ZCCHC17: variants seen among roughly 807,000 people sequenced by gnomAD.
ZCCHC17 encodes the protein zinc finger CCHC domain-containing protein 17.
A neutral mutation model predicts 30.6 loss-of-function variants in ZCCHC17; 18 were observed. That is an observed-to-expected ratio of 0.59 (90% confidence interval 0.41 to 0.87). The LOEUF (loss-of-function observed/expected upper bound fraction) is 0.87. Ranked by LOEUF, ZCCHC17 falls within the 40% of genes least tolerant of loss-of-function variation. ZCCHC17 has a pLI of 0.00. For synonymous variants in ZCCHC17, 88 were observed against 92.4 expected (o/e 0.95, Z 0.27); for missense variants, 263 against 284.2 (o/e 0.93, Z 0.54).
chr1:31,353,855 G>C (rs561072590), intron 7 of ZCCHC17, among the ~76,000 whole-genome samples: 16 of 152,294 alleles, frequency 1.1e-4, no homozygotes, highest in African/African-American at 3.6e-4. Context: ...ACACTGTTTT[G>C]ACTACTGTAG....
At chr1:31,319,605 T>C (rs1646814628) in intron 3 of ZCCHC17, among the ~76,000 whole-genome samples, 1 of 152,168 alleles carries the variant, frequency 6.6e-6, no homozygotes, top group African/African-American at 2.4e-5. Context: ...TAAAGAGGCG[T>C]CTGTTGAACA....
chr1:31,300,245 A>G (rs1005319835), intron 1 of ZCCHC17, among the ~76,000 whole-genome samples: 3 of 152,066 alleles, frequency 2.0e-5, no homozygotes, highest in Non-Finnish European at 4.4e-5. Flanking sequence ...TTTTTTATAG[A>G]GATAAGGTCT....
At chr1:31,302,124 A>T (rs1209512387) in intron 1 of ZCCHC17, among the ~76,000 whole-genome samples, 2 of 152,172 alleles carry the variant, frequency 1.3e-5, no homozygotes, top group African/African-American at 2.4e-5. Flanking sequence ...GCTACTTGGG[A>T]GGCAGAGGTG....
At chr1:31,305,507 C>A (rs779491775) in intron 1 of ZCCHC17, among the ~76,000 whole-genome samples, 8 of 152,162 alleles carry the variant, frequency 5.3e-5, no homozygotes, top group Non-Finnish European at 1.2e-4. Context: ...CCAGGCTGGT[C>A]TTGAACTCCT....
chr1:31,310,384 A>G (rs1245861601), intron 2 of ZCCHC17, among the ~76,000 whole-genome samples: 3 of 152,218 alleles, frequency 2.0e-5, no homozygotes, highest in Non-Finnish European at 2.9e-5. Flanking sequence ...TGTGTAATTT[A>G]TGTTTTAAAA....
In ZCCHC17 at chr1:31,355,107, G is replaced by A. The variant is rs182976423; in HGVS notation, c.564+6133G>A. ...GGAGAATTGCTTGAACCCAGGAGGCGGAGGGTGCAGTGAGCCGAGATTGCG... is the reference window on the plus strand; with the variant it reads ...GGAGAATTGCTTGAACCCAGGAGGCAGAGGGTGCAGTGAGCCGAGATTGCG... On this transcript the variant is annotated intron_variant, in intron 7 of 7. Coordinates refer to ENST00000344147, the MANE Select transcript of ZCCHC17 (RefSeq NM_016505.4). Among the ~76,000 whole-genome samples the A allele has an allele frequency of 1.6e-3, 248 of 151,638 alleles. 1 individual carries two copies. The highest frequency in any genetic ancestry group is 5.7e-3 in the African/African-American group (237 of 41,280).
At chr1:31,354,736 A>G (rs1403181466) in intron 7 of ZCCHC17, among the ~76,000 whole-genome samples, 2 of 152,166 alleles carry the variant, frequency 1.3e-5, no homozygotes, top group Non-Finnish European at 2.9e-5. Flanking sequence ...CACAAAACCA[A>G]TTACTGAGGC....
intron 1 of ZCCHC17, 40 bp from the exon 2 acceptor site, chr1:31,310,004 C>A: frequency 8.5e-7 from 1 of 1,174,784 alleles, no homozygotes. Context: ...TTCTTTAATG[C>A]AGATATCTCT....
intron 3 of ZCCHC17, among the ~76,000 whole-genome samples, chr1:31,325,014 T>C (rs542165097): frequency 1.7e-4 from 26 of 152,112 alleles, no homozygotes; most frequent in Non-Finnish European, 2.5e-4. Flanking sequence ...CTGAAGACTG[T>C]AAAAATCCTG....
At chr1:31,315,419 T>C (rs187231124) in intron 2 of ZCCHC17, among the ~76,000 whole-genome samples, 2 of 152,178 alleles carry the variant, frequency 1.3e-5, no homozygotes, top group Non-Finnish European at 2.9e-5. Context: ...TGTCATCCTC[T>C]GAGAAGCATG....
chr1:31,304,875 G>A (rs538093014), intron 1 of ZCCHC17, among the ~76,000 whole-genome samples: 8 of 152,162 alleles, frequency 5.3e-5, no homozygotes, highest in East Asian at 1.9e-4. Context: ...GATTACAGGC[G>A]TGAGCCACCA....
intron 3 of ZCCHC17, among the ~76,000 whole-genome samples, chr1:31,324,655 G>A (rs1189273488): frequency 6.6e-6 from 1 of 152,244 alleles, no homozygotes; most frequent in Non-Finnish European, 1.5e-5. Flanking sequence ...TGCACACCTT[G>A]GGGTGGTGCT....
intron 1 of ZCCHC17, among the ~76,000 whole-genome samples, chr1:31,301,603 G>A (rs1646313404): frequency 6.6e-6 from 1 of 152,208 alleles, no homozygotes; most frequent in South Asian, 2.1e-4. Flanking sequence ...ATAATTGACT[G>A]AAAGTGTAGT....
intron 1 of ZCCHC17, among the ~76,000 whole-genome samples, chr1:31,306,117 TG>T (rs1455067270): frequency 6.6e-6 from 1 of 152,230 alleles, no homozygotes; most frequent in Non-Finnish European, 1.5e-5. Context: ...CTAACATGAA[TG>T]TTTTTTTCTT....
intron 2 of ZCCHC17, among the ~76,000 whole-genome samples, chr1:31,318,648 G>C (rs1646791020): frequency 6.6e-6 from 1 of 152,192 alleles, no homozygotes; most frequent in Non-Finnish European, 1.5e-5. Context: ...GGTATGAGGG[G>C]AGGAATGCCC....
chr1:31,333,706 C>CA (rs887354770), intron 3 of ZCCHC17, among the ~76,000 whole-genome samples: 7 of 151,864 alleles, frequency 4.6e-5, no homozygotes, highest in Admixed American at 1.3e-4. Flanking sequence ...TACTTAAAGA[C>CA]AAAAAAAGTT....
intron 3 of ZCCHC17, among the ~76,000 whole-genome samples, chr1:31,322,382 C>T (rs757869644): frequency 5.3e-5 from 8 of 152,174 alleles, no homozygotes; most frequent in Non-Finnish European, 1.0e-4. Context: ...CAGCACTTCC[C>T]CCCAAAGTTG....
intron 1 of ZCCHC17, among the ~76,000 whole-genome samples, chr1:31,309,567 C>T (rs1646547927): frequency 6.6e-6 from 1 of 152,184 alleles, no homozygotes; most frequent in Non-Finnish European, 1.5e-5. Flanking sequence ...CCGACCTCAG[C>T]AACCACAGTG....
intron 2 of ZCCHC17, among the ~76,000 whole-genome samples, chr1:31,310,534 G>A (rs1646575740): frequency 6.6e-6 from 1 of 152,206 alleles, no homozygotes. Flanking sequence ...CCCTCCTGAA[G>A]GGATTAATGC....
Sources: gnomAD v4.1 joint callset for allele counts (sites outside exome capture counted in the v4.1 genomes callset) on GRCh38, gnomAD v4.1.1 for gene constraint, MANE v1.5 for transcripts, NCBI Gene and HGNC (gene_info 2026-07-23, HGNC 2026-07-21) for gene names.